Variants in KCNIP3 observed in about 807,000 individuals in gnomAD.
KCNIP3 encodes potassium voltage-gated channel interacting protein 3.
A neutral mutation model predicts 35.0 loss-of-function variants in KCNIP3; 28 were observed. The ratio of observed to expected loss-of-function variants is 0.80; its 90% CI spans 0.59 to 1.10. KCNIP3 has a LOEUF of 1.10. Among genes scored for constraint, KCNIP3 ranks in the 50% least tolerant of loss-of-function variants. The pLI is 0.00. For synonymous variants in KCNIP3, 134 were observed against 133.8 expected, an observed-to-expected ratio of 1.00 and a Z score of -0.01; for missense variants, 295 against 338.4, an observed-to-expected ratio of 0.87 and a Z score of 1.01.
intron 2 of KCNIP3, among the ~76,000 whole-genome samples, chr2:95,327,672 G>A (rs1272202292): frequency 6.6e-6 from 1 of 152,194 alleles, no homozygotes; most frequent in Non-Finnish European, 1.5e-5. Flanking sequence ...TAGTCTTCAT[G>A]CTAATCCTGC....
chr2:95,361,824 C>T (rs1388283179), intron 2 of KCNIP3, among the ~76,000 whole-genome samples: 1 of 152,238 alleles, frequency 6.6e-6, no homozygotes, highest in Non-Finnish European at 1.5e-5. Flanking sequence ...AGACCCGAAT[C>T]CCTGCTGCGG....
chr2:95,374,571 G>A, intron 3 of KCNIP3, 151 bp downstream of exon 3: 1 of 1,032,658 alleles, frequency 9.7e-7, no homozygotes, highest in Non-Finnish European at 1.4e-6. Flanking sequence ...GCTCCGGAAT[G>A]GGCATCGCTG....
At chr2:95,325,819 A>T (rs551161606) in intron 2 of KCNIP3, among the ~76,000 whole-genome samples, 1 of 148,682 alleles carries the variant, frequency 6.7e-6, no homozygotes, top group South Asian at 2.2e-4. Flanking sequence ...TCATACACAC[A>T]TACACATACA....
chr2:95,310,324 C>T (rs1393572257), intron 1 of KCNIP3, 31 bp from the exon 2 acceptor site: 1 of 1,612,594 alleles, frequency 6.2e-7, no homozygotes, highest in African/African-American at 1.3e-5. Flanking sequence ...TGAGCAGGGG[C>T]TCAGGGCTGC....
At position 95,316,587 on chromosome 2, in the gene KCNIP3, C is replaced by T. The variant is rs183608144; in HGVS notation, c.181+6067C>T. ...GGTTGCTTTGCAGCCCACACAGCCT[C>T]ATTTCAGGCAACAGGAAGGAGAACC... On this transcript the variant is annotated intron_variant, in intron 2 of 8. Coordinates refer to ENST00000295225, the MANE Select transcript of KCNIP3 (RefSeq NM_013434.5). 1.7e-4 allele frequency among the ~76,000 whole-genome samples: 26 copies of T among 152,302 alleles called. No homozygotes were observed. The South Asian group carries it at 2.5e-3, about 15-fold the overall frequency.
intron 1 of KCNIP3, among the ~76,000 whole-genome samples, chr2:95,299,653 G>C (rs1315209359): frequency 6.6e-6 from 1 of 152,268 alleles, no homozygotes; most frequent in Non-Finnish European, 1.5e-5. Flanking sequence ...GACAGGCGCT[G>C]CTGTCGCGGT....
intron 2 of KCNIP3, among the ~76,000 whole-genome samples, chr2:95,317,609 G>A (rs1678489787): frequency 6.6e-6 from 1 of 152,198 alleles, no homozygotes; most frequent in African/African-American, 2.4e-5. Flanking sequence ...CAGGCCCAGA[G>A]CGCCCAAGAC....
intron 1 of KCNIP3, among the ~76,000 whole-genome samples, chr2:95,300,832 C>T (rs1293883523): frequency 6.6e-6 from 1 of 152,230 alleles, no homozygotes; most frequent in Non-Finnish European, 1.5e-5. Context: ...CAGCCTCCCC[C>T]TCTGACCTGC....
chr2:95,297,927 G>C (rs1367632760), intron 1 of KCNIP3, among the ~76,000 whole-genome samples: 1 of 152,172 alleles, frequency 6.6e-6, no homozygotes, highest in Admixed American at 6.5e-5. Flanking sequence ...GTCAATGAAC[G>C]CATCTTCTAA....
Position 95,303,830 on chromosome 2 carries a change from T to C in KCNIP3, c.15+6377T>C, listed in dbSNP as rs1317996894. Among the ~76,000 whole-genome samples the C allele has an allele frequency of 2.0e-5, 3 of 152,086 alleles. No individual in the cohort carries two copies. The East Asian group carries it at 5.8e-4, about 29-fold the overall frequency. On this transcript the variant is annotated intron_variant, in intron 1 of 8. Coordinates refer to ENST00000295225, the MANE Select transcript of KCNIP3 (RefSeq NM_013434.5). The stretch of plus-strand genomic sequence containing the variant: ...GGATCAGTCCTGTCCAATAGAGACA[T>C]GATGCAAGCCACAGATGTCACTTAA...
At chr2:95,324,515 A>AATAAAG (rs1454260731) in intron 2 of KCNIP3, among the ~76,000 whole-genome samples, 58 of 117,842 alleles carry the variant, frequency 4.9e-4, no homozygotes, top group African/African-American at 1.9e-3. Flanking sequence ...TCCGTCTCAA[A>AATAAAG]ATAAATAGAT....
intron 2 of KCNIP3, among the ~76,000 whole-genome samples, chr2:95,346,510 C>T (rs1475557182): frequency 6.7e-6 from 1 of 149,092 alleles, no homozygotes; most frequent in East Asian, 2.0e-4. Flanking sequence ...GGGACGCCTC[C>T]CGGAGTGGCC....
At chr2:95,301,480 T>TC (rs1678025679) in intron 1 of KCNIP3, among the ~76,000 whole-genome samples, 1 of 152,220 alleles carries the variant, frequency 6.6e-6, no homozygotes, top group Non-Finnish European at 1.5e-5. Context: ...TGGCTGTGTG[T>TC]CCTCTGACAG....
At chr2:95,323,306 GT>G (rs2104230121) in intron 2 of KCNIP3, among the ~76,000 whole-genome samples, 1 of 152,330 alleles carries the variant, frequency 6.6e-6, no homozygotes, top group Admixed American at 6.5e-5. Context: ...GAGGTTGGGA[GT>G]TTTTTGGGAA....
rs113604413 is a variant in KCNIP3, at chr2:95,297,393, G to A, written c.-46G>A. Reference sequence around the variant, plus strand: ...CGGCCTGGGCAGTCTTGTCTGCCTCGGCTGTGAAGTGGGGAGGCTGGCAAC... The same window carrying A: ...CGGCCTGGGCAGTCTTGTCTGCCTCAGCTGTGAAGTGGGGAGGCTGGCAAC... On this transcript the variant is annotated 5_prime_UTR_variant, in exon 1 of 9. Coordinates refer to ENST00000295225, the MANE Select transcript of KCNIP3 (RefSeq NM_013434.5). 9.0e-6 allele frequency: 14 copies of A among 1,558,632 alleles called. No individual in the cohort carries two copies. The African/African-American group carries it at 9.6e-5, about 11-fold the overall frequency.
intron 3 of KCNIP3, among the ~76,000 whole-genome samples, 173 bp downstream of exon 3, chr2:95,374,593 C>T (rs1680126826): frequency 6.6e-6 from 1 of 152,172 alleles, no homozygotes; most frequent in African/African-American, 2.4e-5. Flanking sequence ...GGCCGCCATG[C>T]TCCTCCCTCC....
At chr2:95,346,411 C>A (rs2104265096) in intron 2 of KCNIP3, among the ~76,000 whole-genome samples, 1 of 151,334 alleles carries the variant, frequency 6.6e-6, no homozygotes, top group South Asian at 2.1e-4. Flanking sequence ...GCGGTGGCGA[C>A]GCGCCAGACT....
Position 95,384,124 on chromosome 2 carries a change from C to G in KCNIP3, c.*75C>G. On this transcript the variant is annotated 3_prime_UTR_variant, in exon 9 of 9. Transcript: ENST00000295225. ...CCTCCATCCTGCCAGGAGCAGCCTC[C>G]AAGAAACTTTTAAAAAATAGATTTG... 7.3e-7 allele frequency: 1 copy of G among 1,368,078 alleles called. No homozygotes were observed. The highest frequency in any genetic ancestry group is 1.0e-6 in the Non-Finnish European group (1 of 958,824). The allele number at this position is 1,368,078 out of a possible 1,614,324, so 84.7% of individuals were successfully genotyped here.
chr2:95,381,703 GGTA>G lies in KCNIP3; in HGVS notation c.555+5_555+7del. The G allele has an allele frequency of 6.2e-7, 1 of 1,602,242 alleles. No individual in the cohort carries two copies. Among genetic ancestry groups the G allele is most frequent in the Non-Finnish European group, 8.6e-7 (1 of 1,169,278 alleles). Reference sequence around the variant, plus strand: ...ACAAGGATGGCTACATCACCAAAGAGGTAGTAGGGGGCTGGGGGCAGGGATTGT... The same window carrying G: ...ACAAGGATGGCTACATCACCAAAGAGGTAGGGGGCTGGGGGCAGGGATTGT... On this transcript the variant is annotated splice_donor_variant and splice_donor_region_variant and intron_variant, in intron 6 of 8. Transcript: ENST00000295225. LOFTEE classifies it high-confidence loss of function.
Sources: gnomAD v4.1 joint callset for allele counts (sites outside exome capture counted in the v4.1 genomes callset) on GRCh38, gnomAD v4.1.1 for gene constraint, MANE v1.5 for transcripts, NCBI Gene and HGNC (gene_info 2026-07-23, HGNC 2026-07-21) for gene names.